The following GPM6A variants were observed in gnomAD, a reference collection of about 807,000 sequenced individuals.
GPM6A encodes the protein glycoprotein M6A.
GPM6A carries 7 observed loss-of-function variants against 32.1 expected under a neutral mutation model. The ratio of observed to expected loss-of-function variants is 0.22; its 90% CI spans 0.12 to 0.41. GPM6A has a LOEUF of 0.41. GPM6A is among the 10% of genes least tolerant of loss of function. The probability of loss-of-function intolerance (pLI) is 1.00; values close to 1 mark genes in which losing one functional copy is unlikely to be tolerated. For missense variants in GPM6A, 235 were observed against 347.2 expected, an observed-to-expected ratio of 0.68 and a Z score of 2.57; for synonymous variants, 130 against 123.4, an observed-to-expected ratio of 1.05 and a Z score of -0.35.
chr4:175,674,861 CT>C (rs1342553186), intron 2 of GPM6A, among the ~76,000 whole-genome samples: 2 of 151,076 alleles, frequency 1.3e-5, no homozygotes, highest in Admixed American at 6.6e-5. Context: ...TGGGAAGGTC[CT>C]TTTCATTTTC....
In GPM6A at chr4:175,962,166, G is replaced by A. The variant is rs1740187728; in HGVS notation, c.-23+40143C>T. 4.2e-6 allele frequency: 4 copies of A among 946,198 alleles called. No homozygotes were observed. In the Admixed American group the frequency reaches 6.9e-5, roughly 16 times the overall value. 58.6% of individuals were successfully genotyped at this position (946,198 alleles called of 1,614,324 possible). On this transcript the variant is annotated intron_variant, in intron 1 of 7. Transcript: ENST00000280187. ...ACAGGACATCAAGCATCAACCCAAGGTGATCGAGCACCTGCTTTCTTTGCC... is the reference window on the plus strand; with the variant it reads ...ACAGGACATCAAGCATCAACCCAAGATGATCGAGCACCTGCTTTCTTTGCC...
At chr4:175,696,198 C>T (rs1193272683) in intron 2 of GPM6A, among the ~76,000 whole-genome samples, 1 of 152,126 alleles carries the variant, frequency 6.6e-6, no homozygotes, top group Non-Finnish European at 1.5e-5. Flanking sequence ...AACTAATTAT[C>T]AACTAATTTT....
intron 3 of GPM6A, among the ~76,000 whole-genome samples, chr4:175,666,416 G>A (rs1035478813): frequency 4.6e-5 from 7 of 152,092 alleles, no homozygotes; most frequent in African/African-American, 7.2e-5. Context: ...GTTGTGAAGC[G>A]ATATCTTTTG....
chr4:175,646,875 A>G (rs541332471), intron 4 of GPM6A, among the ~76,000 whole-genome samples: 2 of 152,214 alleles, frequency 1.3e-5, no homozygotes, highest in Admixed American at 1.3e-4. Flanking sequence ...CTTATTCACT[A>G]TATGACCCCA....
At chr4:175,962,249 T>C (rs1033957165) in intron 1 of GPM6A, 1 of 1,359,512 alleles carries the variant, frequency 7.4e-7, no homozygotes, top group Non-Finnish European at 1.0e-6. Flanking sequence ...ACCTCCTATA[T>C]GTCATTGAAA....
chr4:175,702,997 T>C (rs1253154285), intron 1 of GPM6A, among the ~76,000 whole-genome samples: 2 of 152,282 alleles, frequency 1.3e-5, no homozygotes, highest in Admixed American at 6.5e-5. Context: ...CCCTGTGTGG[T>C]TTTTGCCAAA....
At chr4:175,690,865 A>G (rs1210061059) in intron 2 of GPM6A, among the ~76,000 whole-genome samples, 2 of 152,250 alleles carry the variant, frequency 1.3e-5, no homozygotes, top group African/African-American at 4.8e-5. Context: ...GTCACAAGCT[A>G]TAGACTTCAT....
At chr4:175,755,201 T>A (rs1732482119) in intron 1 of GPM6A, among the ~76,000 whole-genome samples, 1 of 151,996 alleles carries the variant, frequency 6.6e-6, no homozygotes, top group African/African-American at 2.4e-5. Context: ...AAAAAGAGAA[T>A]AATAATAATG....
intron 1 of GPM6A, among the ~76,000 whole-genome samples, chr4:175,856,410 G>A (rs1462549233): frequency 6.6e-6 from 1 of 152,160 alleles, no homozygotes; most frequent in African/African-American, 2.4e-5. Flanking sequence ...AAGTGCTTTT[G>A]GGCACCAGCA....
intron 1 of GPM6A, among the ~76,000 whole-genome samples, chr4:175,805,747 T>C (rs1734670287): frequency 6.6e-6 from 1 of 152,202 alleles, no homozygotes; most frequent in South Asian, 2.1e-4. Context: ...CGACAGTCAT[T>C]CTTCCTTTTT....
At chr4:175,955,866 C>T (rs547742943) in intron 1 of GPM6A, among the ~76,000 whole-genome samples, 4 of 152,286 alleles carry the variant, frequency 2.6e-5, no homozygotes, top group Admixed American at 6.5e-5. Flanking sequence ...TATGCTGGAG[C>T]TGGCTCTCAT....
At chr4:175,885,379 G>A (rs911346463) in intron 1 of GPM6A, among the ~76,000 whole-genome samples, 1 of 152,246 alleles carries the variant, frequency 6.6e-6, no homozygotes, top group African/African-American at 2.4e-5. Flanking sequence ...GGGCTGGGAT[G>A]TCTATGAGGG....
intron 1 of GPM6A, among the ~76,000 whole-genome samples, chr4:175,709,910 C>T (rs1238518295): frequency 6.6e-6 from 1 of 151,846 alleles, no homozygotes; most frequent in Non-Finnish European, 1.5e-5. Context: ...GAATAAAAAA[C>T]ACCAGGGAAA....
intron 1 of GPM6A, among the ~76,000 whole-genome samples, chr4:175,850,041 C>CA (rs1267255900): frequency 6.6e-6 from 1 of 152,126 alleles, no homozygotes; most frequent in East Asian, 1.9e-4. Flanking sequence ...CATCCACCCT[C>CA]ATGTGCTTCT....
chr4:175,673,003 GT>G (rs1743166894), intron 3 of GPM6A, among the ~76,000 whole-genome samples: 1 of 152,092 alleles, frequency 6.6e-6, no homozygotes, highest in Non-Finnish European at 1.5e-5. Context: ...GACACATGTT[GT>G]TACATAACAT....
intron 2 of GPM6A, 22 bp from the exon 3 acceptor site, chr4:175,673,858 T>C (rs1743218964): frequency 1.3e-6 from 2 of 1,558,262 alleles, no homozygotes; most frequent in South Asian, 2.3e-5. Context: ...GACAAAGTGA[T>C]TTATTTCAAT....
At chr4:175,783,151 C>T (rs2111257314) in intron 1 of GPM6A, among the ~76,000 whole-genome samples, 1 of 151,742 alleles carries the variant, frequency 6.6e-6, no homozygotes, top group African/African-American at 2.4e-5. Context: ...AATTTTTTGC[C>T]TTTGTCATAA....
At position 175,695,098 on chromosome 4, in the gene GPM6A, C is replaced by T. The variant is rs149105510; in HGVS notation, c.230+6477G>A. ...AGGGCAAGAGTTGAGGTTTGGAAGC[C>T]TCTGCCTAGATTTCAGAAGATATGC... is the stretch of plus-strand genomic sequence containing the variant. On this transcript the variant is annotated intron_variant, in intron 2 of 6. Coordinates refer to ENST00000393658, the MANE Select transcript of GPM6A (RefSeq NM_201591.3). Among the ~76,000 whole-genome samples, 278 of 152,298 alleles carry T rather than the reference C, an allele frequency of 1.8e-3. 4 individuals carry two copies. The highest frequency in any genetic ancestry group is 0.017 in the Admixed American group (258 of 15,292).
In GPM6A at chr4:175,947,029, T is replaced by C. The variant is rs547036025; in HGVS notation, c.-23+55280A>G. ...GCTTCATTTATAGGATGAAATGAAG[T>C]GTGTGTGGCTTTCTTATTGCTTTCT... On this transcript the variant is annotated intron_variant, in intron 1 of 7. Coordinates refer to the GPM6A transcript ENST00000280187. Among the ~76,000 whole-genome samples the C allele has an allele frequency of 1.4e-4, 21 of 152,252 alleles. No individual in the cohort carries two copies. In the South Asian group the frequency reaches 3.7e-3, roughly 27 times the overall value.
Sources: allele counts gnomAD v4.1 joint callset (sites outside exome capture counted in the v4.1 genomes callset), GRCh38; gene constraint gnomAD v4.1.1; transcripts MANE v1.5; gene names NCBI Gene and HGNC (gene_info 2026-07-23, HGNC 2026-07-21).